KCNIP1: variants seen among roughly 807,000 people sequenced by gnomAD.
KCNIP1 encodes the protein potassium voltage-gated channel interacting protein 1.
KCNIP1 carries 18 observed loss-of-function variants against 33.0 expected under a neutral mutation model. The ratio of observed to expected loss-of-function variants is 0.55; its 90% CI spans 0.38 to 0.81. KCNIP1 has a LOEUF of 0.81. Ranked by LOEUF, KCNIP1 falls within the 30% of genes least tolerant of loss-of-function variation. The probability of loss-of-function intolerance (pLI) is 0.00; values close to 1 mark genes in which losing one functional copy is unlikely to be tolerated. For synonymous variants in KCNIP1, 93 were observed against 98.3 expected (o/e 0.95, Z 0.32); for missense variants, 238 against 271.6 (o/e 0.88, Z 0.87).
intron 1 of KCNIP1, among the ~76,000 whole-genome samples, chr5:170,590,871 C>G (rs1758225022): frequency 6.6e-6 from 1 of 152,164 alleles, no homozygotes; most frequent in Non-Finnish European, 1.5e-5. Flanking sequence ...CTGAAGCTCC[C>G]CATCCTCGCC....
chr5:170,672,634 C>A (rs1380078275), intron 1 of KCNIP1, among the ~76,000 whole-genome samples: 2 of 152,216 alleles, frequency 1.3e-5, no homozygotes, highest in Non-Finnish European at 2.9e-5. Context: ...TAATAACTCA[C>A]CAGTGTAATT....
Position 170,483,112 on chromosome 5 carries a change from C to T in KCNIP1, c.88+129148C>T, listed in dbSNP as rs116320133. On this transcript the variant is annotated intron_variant, in intron 1 of 7. Coordinates refer to the KCNIP1 transcript ENST00000377360. ...GCAGAGCCGGATAGCTTGGGCAGTA[C>T]GTGTGTGCACCTGCAGGCTGTGGAG... is the stretch of plus-strand genomic sequence containing the variant. 2,231 of 453,862 alleles carry T rather than the reference C, an allele frequency of 4.9e-3. 53 individuals carry two copies. Among genetic ancestry groups the T allele is most frequent in the African/African-American group, 0.039 (1,954 of 49,992 alleles). 28.1% of individuals were successfully genotyped at this position (453,862 alleles called of 1,614,324 possible). A position where few individuals can be genotyped will look rare whatever the true frequency, so the allele number is the denominator to read the frequency against.
chr5:170,499,814 A>C (rs1757377192), upstream of KCNIP1, among the ~76,000 whole-genome samples: 1 of 152,196 alleles, frequency 6.6e-6, no homozygotes, highest in African/African-American at 2.4e-5. Context: ...TGCATGTTTT[A>C]ACAGGATTCC....
chr5:170,430,985 G>A (rs1755726894), intron 1 of KCNIP1, among the ~76,000 whole-genome samples: 1 of 152,196 alleles, frequency 6.6e-6, no homozygotes, highest in South Asian at 2.1e-4. Flanking sequence ...CTCGTAGGAG[G>A]GGAAGACAAA....
intron 1 of KCNIP1, among the ~76,000 whole-genome samples, chr5:170,706,279 T>C (rs1166452649): frequency 6.6e-6 from 1 of 152,342 alleles, no homozygotes; most frequent in East Asian, 1.9e-4. Context: ...TTTAGCACGC[T>C]TGTTTGGGAC....
At chr5:170,618,991 T>G (rs1444070030) in intron 1 of KCNIP1, among the ~76,000 whole-genome samples, 1 of 152,078 alleles carries the variant, frequency 6.6e-6, no homozygotes, top group Non-Finnish European at 1.5e-5. Flanking sequence ...GGAAGGAAGG[T>G]CCCTGCAGGG....
chr5:170,499,963 C>T (rs1052446554), upstream of KCNIP1, among the ~76,000 whole-genome samples: 8 of 152,068 alleles, frequency 5.3e-5, no homozygotes, highest in Admixed American at 3.9e-4. Flanking sequence ...ACTGGGGTTG[C>T]GCATCAGTCT....
upstream of KCNIP1, among the ~76,000 whole-genome samples, chr5:170,502,977 T>C (rs952060508): frequency 6.6e-6 from 1 of 152,140 alleles, no homozygotes; most frequent in African/African-American, 2.4e-5. Context: ...GGAAATGGCT[T>C]CCTAAATCTA....
intron 1 of KCNIP1, among the ~76,000 whole-genome samples, chr5:170,563,177 A>T (rs1757093451): frequency 6.6e-6 from 1 of 152,100 alleles, no homozygotes; most frequent in Non-Finnish European, 1.5e-5. Context: ...AGTGCAGATG[A>T]CTATTTCACT....
At chr5:170,362,994 A>C (rs1301229874) in intron 1 of KCNIP1, among the ~76,000 whole-genome samples, 3 of 152,220 alleles carry the variant, frequency 2.0e-5, no homozygotes, top group African/African-American at 7.2e-5. Flanking sequence ...CAGGCCTCAC[A>C]AGTTCAGAAA....
chr5:170,698,633 G>T (rs1368851070), intron 1 of KCNIP1, among the ~76,000 whole-genome samples: 2 of 150,650 alleles, frequency 1.3e-5, no homozygotes, highest in African/African-American at 4.9e-5. Context: ...ACTCCCAATT[G>T]TACCACCCCA....
At chr5:170,624,397 T>C (rs527913117) in intron 1 of KCNIP1, among the ~76,000 whole-genome samples, 152 of 152,154 alleles carry the variant, frequency 1.0e-3, no homozygotes, top group African/African-American at 3.4e-3. Flanking sequence ...AGGTAACCAA[T>C]TGATTGACTG....
Position 170,504,317 on chromosome 5 carries a change from G to A in KCNIP1, c.-256G>A, listed in dbSNP as rs1754618403. ...CCCTGGGCGAGGGAACCGCCGGGCC[G>A]GGTCCTCGCGCGGGGAAGCGGTTCC... On this transcript the variant is annotated 5_prime_UTR_variant, in exon 1 of 8. Coordinates refer to ENST00000328939, the MANE Select transcript of KCNIP1 (RefSeq NM_014592.4). This position sits in a 1 kb window ranked among gnomAD's most constrained non-coding sequence, Gnocchi z 6.0. The A allele has an allele frequency of 7.4e-7, 1 of 1,359,914 alleles. No individual in the cohort carries two copies. The highest frequency in any genetic ancestry group is 1.5e-5 in the African/African-American group (1 of 66,206). 84.2% of individuals were successfully genotyped at this position (1,359,914 alleles called of 1,614,324 possible).
At chr5:170,500,000 C>T (rs540703861), upstream of KCNIP1, among the ~76,000 whole-genome samples, 1 of 152,284 alleles carries the variant, frequency 6.6e-6, no homozygotes, top group South Asian at 2.1e-4. Flanking sequence ...AAAAATACCC[C>T]AGTCTGGGTG....
intron 1 of KCNIP1, among the ~76,000 whole-genome samples, chr5:170,600,147 T>C (rs1175932558): frequency 6.6e-6 from 1 of 152,178 alleles, no homozygotes; most frequent in African/African-American, 2.4e-5. Flanking sequence ...GCCACACAGC[T>C]AGTTAGTAGT....
intron 1 of KCNIP1, among the ~76,000 whole-genome samples, chr5:170,581,509 C>T (rs1033763774): frequency 4.6e-5 from 7 of 152,172 alleles, no homozygotes; most frequent in African/African-American, 1.4e-4. Flanking sequence ...TATCTGGATC[C>T]AGTGGACATG....
At chr5:170,367,421 GGA>G (rs1763718151) in intron 1 of KCNIP1, among the ~76,000 whole-genome samples, 1 of 74,664 alleles carries the variant, frequency 1.3e-5, no homozygotes, top group Non-Finnish European at 2.9e-5. Context: ...AAGAAAGAAA[GGA>G]AAGAAAGAAA....
chr5:170,353,825 G>A lies in KCNIP1; in HGVS notation c.-52G>A, dbSNP rs73325606. On this transcript the variant is annotated 5_prime_UTR_variant, in exon 1 of 8. Coordinates refer to the KCNIP1 transcript ENST00000377360. ...CCAAGTTCCTGGGGTGCACAAGGTGGGCACTGTCCCTTCTGGGTGCTGACA... is the reference window on the plus strand; with the variant it reads ...CCAAGTTCCTGGGGTGCACAAGGTGAGCACTGTCCCTTCTGGGTGCTGACA... 9,044 of 1,549,116 alleles carry A rather than the reference G, an allele frequency of 5.8e-3. 442 individuals are homozygous for A. The African/African-American group carries it at 0.11, about 18-fold the overall frequency.
At chr5:170,682,858 A>C (rs1462401101) in intron 1 of KCNIP1, among the ~76,000 whole-genome samples, 1 of 128,390 alleles carries the variant, frequency 7.8e-6, no homozygotes, top group Non-Finnish European at 1.5e-5. Context: ...CAAACTCCTG[A>C]CCTCAGGTCA....
Sources: allele counts gnomAD v4.1 joint callset (sites outside exome capture counted in the v4.1 genomes callset), GRCh38; gene constraint gnomAD v4.1.1; non-coding constraint Gnocchi (gnomAD v3.1); transcripts MANE v1.5; gene names NCBI Gene and HGNC (gene_info 2026-07-23, HGNC 2026-07-21).